PTPRD: variants seen among roughly 807,000 people sequenced by gnomAD.
The protein encoded by PTPRD is protein tyrosine phosphatase receptor type D.
Under a neutral mutation model 214.5 loss-of-function variants are expected in PTPRD, and 34 were observed. The ratio of observed to expected loss-of-function variants is 0.16; its 90% CI spans 0.12 to 0.21. The LOEUF is 0.21. Among genes scored for constraint, PTPRD ranks in the 10% least tolerant of loss-of-function variants. PTPRD has a pLI of 1.00. For missense variants in PTPRD, 2,545 were observed against 2,398.7 expected, an observed-to-expected ratio of 1.06 and a Z score of -1.27; for synonymous variants, 1,128 against 845.7, an observed-to-expected ratio of 1.33 and a Z score of -5.79.
At chr9:9,562,114 C>T (rs2083126471) in intron 8 of PTPRD, among the ~76,000 whole-genome samples, 2 of 152,150 alleles carry the variant, frequency 1.3e-5, no homozygotes, top group African/African-American at 4.8e-5. Context: ...TCCCCCATAT[C>T]TGTTTTCCTC....
intron 10 of PTPRD, among the ~76,000 whole-genome samples, chr9:9,057,674 G>C (rs1383961074): frequency 6.6e-6 from 1 of 152,126 alleles, no homozygotes; most frequent in Non-Finnish European, 1.5e-5. Flanking sequence ...CCATTATCAA[G>C]TAATATGAGA....
chr9:8,663,692 T>G (rs1377624440), intron 12 of PTPRD, among the ~76,000 whole-genome samples: 1 of 152,102 alleles, frequency 6.6e-6, no homozygotes, highest in African/African-American at 2.4e-5. Context: ...AGTTTTACCA[T>G]GTTGGTCAGG....
rs546170920 is a variant in PTPRD at position 9,868,204 on chromosome 9, C to T, written c.-368+70303G>A. On this transcript the variant is annotated intron_variant, in intron 5 of 45. Transcript: ENST00000381196. ...TTTAGCACTGTAAAATGTTCATTAG[C>T]TTGAAAGAGAAAGATCAAAGATAAT... Among the ~76,000 whole-genome samples the T allele has an allele frequency of 3.9e-4, 60 of 152,146 alleles. No homozygotes were observed. In the South Asian group the frequency reaches 4.6e-3, roughly 12 times the overall value.
At chr9:9,326,871 G>C (rs2040168213) in intron 9 of PTPRD, among the ~76,000 whole-genome samples, 2 of 152,134 alleles carry the variant, frequency 1.3e-5, no homozygotes, top group Admixed American at 6.6e-5. Flanking sequence ...AGAGGAGTTA[G>C]TAGACATGAG....
At chr9:9,954,223 G>T (rs1288531654) in intron 4 of PTPRD, among the ~76,000 whole-genome samples, 1 of 146,776 alleles carries the variant, frequency 6.8e-6, no homozygotes, top group East Asian at 2.0e-4. Context: ...TTGAACCTGG[G>T]AGGAGGCTAC....
At chr9:8,504,479 C>A in intron 22 of PTPRD, 74 bp from the exon 23 acceptor site, 1 of 1,501,468 alleles carries the variant, frequency 6.7e-7, no homozygotes, top group Non-Finnish European at 9.2e-7. Context: ...CTGTCTGGAC[C>A]ATCAGATTTC....
intron 21 of PTPRD, 143 bp downstream of exon 21, chr9:8,517,705 A>G (rs10977170): frequency 0.11 from 77,928 of 677,892 alleles, 5,165 homozygotes; most frequent in East Asian, 0.23. Flanking sequence ...TCCTTTTCAG[A>G]TATCTATCAT....
At chr9:8,501,672 T>C (rs1049023012) in intron 23 of PTPRD, among the ~76,000 whole-genome samples, 9 of 152,254 alleles carry the variant, frequency 5.9e-5, no homozygotes, top group African/African-American at 1.4e-4. Context: ...CCAGTTTTAA[T>C]AATAAAAAAA....
At chr9:10,180,133 A>G (rs1320804126) in intron 3 of PTPRD, among the ~76,000 whole-genome samples, 1 of 152,124 alleles carries the variant, frequency 6.6e-6, no homozygotes, top group Non-Finnish European at 1.5e-5. Context: ...CAAAAGATAT[A>G]CAATATTTGA....
intron 10 of PTPRD, among the ~76,000 whole-genome samples, chr9:9,085,489 CCTT>C (rs1569535447): frequency 6.6e-6 from 1 of 152,030 alleles, no homozygotes; most frequent in Non-Finnish European, 1.5e-5. Flanking sequence ...AATAACAGCG[CCTT>C]ATTATTTTTC....
chr9:8,381,142 G>A (rs1022490766), intron 37 of PTPRD, among the ~76,000 whole-genome samples: 1 of 152,184 alleles, frequency 6.6e-6, no homozygotes, highest in Admixed American at 6.5e-5. Context: ...GTAAGTTTGG[G>A]CAGAGTGGTT....
chr9:10,049,904 G>C (rs2097495695), intron 3 of PTPRD, among the ~76,000 whole-genome samples: 2 of 152,106 alleles, frequency 1.3e-5, no homozygotes, highest in African/African-American at 4.8e-5. Flanking sequence ...TTGTAGGGTA[G>C]CATGACCTGT....
chr9:10,471,715 TATAG>T (rs1208981135), intron 2 of PTPRD, among the ~76,000 whole-genome samples: 6 of 152,170 alleles, frequency 3.9e-5, no homozygotes, highest in Admixed American at 2.0e-4. Flanking sequence ...ATTTATGATA[TATAG>T]ATAAAGAAGT....
At chr9:10,107,355 G>A (rs1563852270) in intron 3 of PTPRD, among the ~76,000 whole-genome samples, 2 of 151,852 alleles carry the variant, frequency 1.3e-5, no homozygotes, top group Admixed American at 1.3e-4. Flanking sequence ...ATCAAATCAG[G>A]GTATGGAATA....
Position 8,664,123 on chromosome 9 carries a change from T to C in PTPRD, c.65-27279A>G, listed in dbSNP as rs139549136. ...ACACTACAACACAGTGCAAAACCAATTGGCTCTTCATCCTCTCCAAACTTT... is the reference window on the plus strand; with the variant it reads ...ACACTACAACACAGTGCAAAACCAACTGGCTCTTCATCCTCTCCAAACTTT... On this transcript the variant is annotated intron_variant, in intron 12 of 45. Transcript: ENST00000381196. Among the ~76,000 whole-genome samples, 933 of 152,256 alleles carry C rather than the reference T, an allele frequency of 6.1e-3. 11 individuals carry two copies. The highest frequency in any genetic ancestry group is 0.022 in the African/African-American group (897 of 41,568).
At chr9:9,152,702 A>G (rs1226585037) in intron 10 of PTPRD, among the ~76,000 whole-genome samples, 1 of 152,152 alleles carries the variant, frequency 6.6e-6, no homozygotes. Flanking sequence ...GGCTGATCTC[A>G]TTTGTCACCC....
At chr9:9,267,268 A>G (rs1940346082) in intron 9 of PTPRD, among the ~76,000 whole-genome samples, 1 of 151,360 alleles carries the variant, frequency 6.6e-6, no homozygotes, top group Non-Finnish European at 1.5e-5. Context: ...TTCACAAGGA[A>G]CTATTTGAAT....
At chr9:8,920,728 C>T (rs2098821649) in intron 11 of PTPRD, among the ~76,000 whole-genome samples, 2 of 152,346 alleles carry the variant, frequency 1.3e-5, no homozygotes, top group South Asian at 2.1e-4. Flanking sequence ...CATTTACACG[C>T]AATTGATATA....
intron 2 of PTPRD, among the ~76,000 whole-genome samples, chr9:10,602,340 G>C (rs58226076): frequency 0.026 from 3,942 of 151,800 alleles, 176 homozygotes; most frequent in African/African-American, 0.089. Flanking sequence ...AGGGCACCAG[G>C]TTTCAATCAA....
Sources: gnomAD v4.1 joint callset for allele counts (sites outside exome capture counted in the v4.1 genomes callset) on GRCh38, gnomAD v4.1.1 for gene constraint, MANE v1.5 for transcripts, NCBI Gene and HGNC (gene_info 2026-07-23, HGNC 2026-07-21) for gene names.